Variants in IMMP2L observed in about 807,000 individuals in gnomAD.
IMMP2L encodes the protein mitochondrial inner membrane protease subunit 2.
IMMP2L carries 18 observed loss-of-function variants against 19.3 expected under a neutral mutation model. The observed-to-expected ratio is 0.93, with a 90% CI of 0.64 to 1.38. IMMP2L has a LOEUF of 1.38. Ranked by LOEUF, IMMP2L falls within the 40% of genes most tolerant of loss-of-function variation. The pLI is 0.00. For missense variants in IMMP2L, 233 were observed against 218.2 expected (o/e 1.07, Z -0.43); for synonymous variants, 76 against 73.0 (o/e 1.04, Z -0.21).
intron 4 of IMMP2L, among the ~76,000 whole-genome samples, chr7:110,904,455 T>C (rs1037303448): frequency 1.3e-4 from 20 of 152,176 alleles, no homozygotes; most frequent in Admixed American, 1.2e-3. Context: ...GGCCCATTCA[T>C]TATTTTGCAT....
At chr7:111,352,265 T>G (rs1410557732) in intron 3 of IMMP2L, among the ~76,000 whole-genome samples, 1 of 151,952 alleles carries the variant, frequency 6.6e-6, no homozygotes, top group Non-Finnish European at 1.5e-5. Flanking sequence ...AAAGACACAA[T>G]TATAGCCCAC....
At chr7:111,389,812 C>G (rs1057193092) in intron 3 of IMMP2L, among the ~76,000 whole-genome samples, 1 of 152,102 alleles carries the variant, frequency 6.6e-6, no homozygotes, top group Non-Finnish European at 1.5e-5. Flanking sequence ...ACAATCTGCT[C>G]TGAATTTTGA....
intron 3 of IMMP2L, among the ~76,000 whole-genome samples, chr7:111,446,672 A>ACG (rs1838476031): frequency 6.6e-6 from 1 of 152,258 alleles, no homozygotes; most frequent in Non-Finnish European, 1.5e-5. Context: ...AAAGGAACGC[A>ACG]GTTCCTCACC....
At chr7:111,403,470 T>C (rs1172275510) in intron 3 of IMMP2L, among the ~76,000 whole-genome samples, 1 of 151,898 alleles carries the variant, frequency 6.6e-6, no homozygotes, top group Non-Finnish European at 1.5e-5. Flanking sequence ...TATATATTTT[T>C]AAACAGGGTC....
rs138384946 is a variant in IMMP2L at position 111,409,032 on chromosome 7, G to A, written c.239+78206C>T. On this transcript the variant is annotated intron_variant, in intron 3 of 5. Transcript: ENST00000405709. ...GTACCATTTGTAATTGAAAATAAAT[G>A]TTGCTAAGTGCTGACAAGCTTCTGT... Among the ~76,000 whole-genome samples, 785 of 151,720 alleles carry A rather than the reference G, an allele frequency of 5.2e-3. 30 individuals are homozygous for A. Among genetic ancestry groups the A allele is most frequent in the African/African-American group, 0.018 (760 of 41,238 alleles).
intron 4 of IMMP2L, among the ~76,000 whole-genome samples, chr7:110,926,776 C>T (rs1051872586): frequency 6.6e-6 from 1 of 152,120 alleles, no homozygotes; most frequent in Non-Finnish European, 1.5e-5. Context: ...TTTATCATTA[C>T]AATTTTTTTG....
chr7:111,086,473 C>T (rs1796345913), intron 3 of IMMP2L, among the ~76,000 whole-genome samples: 1 of 151,634 alleles, frequency 6.6e-6, no homozygotes, highest in Non-Finnish European at 1.5e-5. Flanking sequence ...AAAATTAAAA[C>T]AAAACCTATA....
chr7:111,154,535 T>C (rs1189395233), intron 3 of IMMP2L, among the ~76,000 whole-genome samples: 1 of 152,116 alleles, frequency 6.6e-6, no homozygotes, highest in East Asian at 1.9e-4. Flanking sequence ...TTCAAATTAA[T>C]TTCAGTAAAA....
intron 2 of IMMP2L, among the ~76,000 whole-genome samples, chr7:111,507,880 C>T (rs1461197728): frequency 6.6e-6 from 1 of 152,124 alleles, no homozygotes; most frequent in Non-Finnish European, 1.5e-5. Flanking sequence ...AAATCTCCGT[C>T]ATCAGGATAG....
chr7:111,252,052 T>C (rs1332887129), intron 3 of IMMP2L, among the ~76,000 whole-genome samples: 1 of 152,120 alleles, frequency 6.6e-6, no homozygotes, highest in East Asian at 1.9e-4. Flanking sequence ...AGAAACAGAT[T>C]TTGCTTTAAC....
At chr7:111,011,302 T>A (rs1824926519) in intron 3 of IMMP2L, among the ~76,000 whole-genome samples, 1 of 152,136 alleles carries the variant, frequency 6.6e-6, no homozygotes, top group Admixed American at 6.6e-5. Flanking sequence ...CAGTAACGCT[T>A]ATAACTAAGT....
intron 3 of IMMP2L, chr7:111,122,871 T>C (rs982881299): frequency 6.2e-7 from 1 of 1,613,882 alleles, no homozygotes; most frequent in Non-Finnish European, 8.5e-7. Flanking sequence ...CACGGTTATG[T>C]ACGTGTGAAA....
chr7:110,738,563 T>C (rs1219662130), intron 5 of IMMP2L, among the ~76,000 whole-genome samples: 2 of 152,222 alleles, frequency 1.3e-5, no homozygotes, highest in East Asian at 3.8e-4. Context: ...TCCAAGAAGT[T>C]CGGGACTATG....
intron 1 of IMMP2L, among the ~76,000 whole-genome samples, chr7:111,526,269 A>G (rs543563358): frequency 2.4e-4 from 37 of 152,288 alleles, no homozygotes; most frequent in African/African-American, 8.7e-4. Flanking sequence ...ACATTTCAAC[A>G]TACATTTATA....
chr7:111,384,249 GAGGAGAAAGGAGAAAGGAGAGAGGAGAA>G (rs1831506100), intron 3 of IMMP2L, among the ~76,000 whole-genome samples: 1 of 104,950 alleles, frequency 9.5e-6, no homozygotes. Flanking sequence ...AGAAAGGAGA[GAGGAGAAAGGAGAAAGGAGAGAGGAGAA>G]AGGAGAAAGG....
Position 110,937,684 on chromosome 7 carries a change from G to A in IMMP2L, c.305+25816C>T, listed in dbSNP as rs933528154. ...GTCACTTTTTGACTCATTATACTTC[G>A]CAAAGCCAGCTAAGCTTGGCTTATA... On this transcript the variant is annotated intron_variant, in intron 4 of 5. Transcript: ENST00000405709. Among the ~76,000 whole-genome samples the A allele has an allele frequency of 1.4e-4, 22 of 152,048 alleles. No homozygotes were observed. In the East Asian group the frequency reaches 1.7e-3, roughly 12 times the overall value.
chr7:111,241,014 T>C (rs1814955443), intron 3 of IMMP2L, among the ~76,000 whole-genome samples: 1 of 151,850 alleles, frequency 6.6e-6, no homozygotes, highest in South Asian at 2.1e-4. Flanking sequence ...TCAGAACACA[T>C]GTAAATGCTA....
At chr7:110,872,551 C>T (rs983178732) in intron 5 of IMMP2L, among the ~76,000 whole-genome samples, 2 of 152,156 alleles carry the variant, frequency 1.3e-5, no homozygotes, top group Non-Finnish European at 2.9e-5. Context: ...ATGGAGCTGC[C>T]ATAATTTTTC....
At chr7:111,022,578 G>A (rs1326723536) in intron 3 of IMMP2L, among the ~76,000 whole-genome samples, 4 of 152,178 alleles carry the variant, frequency 2.6e-5, no homozygotes, top group South Asian at 2.1e-4. Flanking sequence ...GTGAGTAGCT[G>A]TGGTTATGAT....
Sources: allele counts gnomAD v4.1 joint callset (sites outside exome capture counted in the v4.1 genomes callset), GRCh38; gene constraint gnomAD v4.1.1; transcripts MANE v1.5; gene names NCBI Gene and HGNC (gene_info 2026-07-23, HGNC 2026-07-21).